STK25: variants seen among roughly 807,000 people sequenced by gnomAD.
STK25 encodes the protein serine/threonine-protein kinase 25.
A neutral mutation model predicts 53.8 loss-of-function variants in STK25; 29 were observed. The observed-to-expected ratio is 0.54, with a 90% CI of 0.40 to 0.74. The LOEUF (loss-of-function observed/expected upper bound fraction) is 0.74. STK25 is among the 30% of genes least tolerant of loss of function. The pLI is 0.00. For missense variants in STK25, 420 were observed against 568.0 expected (o/e 0.74, Z 2.65); for synonymous variants, 247 against 238.3 (o/e 1.04, Z -0.33).
intron 9 of STK25, 132 bp from the exon 10 acceptor site, chr2:241,497,819 C>T (rs377047359): frequency 2.3e-6 from 2 of 885,356 alleles, no homozygotes; most frequent in South Asian, 3.1e-5. Flanking sequence ...TGTCCAGGGC[C>T]GGCCCCAAAA....
intron 2 of STK25, among the ~76,000 whole-genome samples, chr2:241,506,038 A>G (rs1272417644): frequency 2.6e-5 from 4 of 152,246 alleles, no homozygotes; most frequent in Non-Finnish European, 4.4e-5. Context: ...CCCAGCACAC[A>G]TAGCTGAGTG....
In STK25 at chr2:241,493,827, C is replaced by T; in HGVS notation, c.*1835G>A. The T allele has an allele frequency of 5.6e-6, 3 of 533,740 alleles. No individual in the cohort carries two copies. Among genetic ancestry groups the T allele is most frequent in the Non-Finnish European group, 1.0e-5 (3 of 297,262 alleles). 33.1% of individuals were successfully genotyped at this position (533,740 alleles called of 1,614,324 possible). On this transcript the variant is annotated 3_prime_UTR_variant, in exon 12 of 12. Transcript: ENST00000316586. ...GGCCAGGCTGGTCTCGAACTCCTGA[C>T]CTCAAGTGATCCATCTGCCTCAGCC... is the stretch of plus-strand genomic sequence containing the variant.
chr2:241,505,546 A>ACTCCCTG (rs1377877548), intron 2 of STK25, among the ~76,000 whole-genome samples: 1 of 151,596 alleles, frequency 6.6e-6, no homozygotes, highest in African/African-American at 2.4e-5. Flanking sequence ...GCCCTGCTCT[A>ACTCCCTG]CTCCCTGCTC....
At chr2:241,499,766 A>C in intron 5 of STK25, 1 of 464,908 alleles carries the variant, frequency 2.2e-6, no homozygotes, top group Non-Finnish European at 4.0e-6. Context: ...CTCCACCAGA[A>C]TCGTCCCCTA....
chr2:241,508,203 G>A lies in STK25; in HGVS notation c.-100-68C>T, dbSNP rs1186833080. 6.0e-6 allele frequency: 8 copies of A among 1,336,368 alleles called. No individual in the cohort carries two copies. The South Asian group carries it at 7.2e-5, about 12-fold the overall frequency. The allele number at this position is 1,336,368 out of a possible 1,614,324, so 82.8% of individuals were successfully genotyped here. ...CTGAGACCGACCTCCGGGGCGGCGG[G>A]CTCCATGGGTGGGGGGGGGCCCAGG... On this transcript the variant is annotated intron_variant, in intron 1 of 11. Coordinates refer to ENST00000316586, the MANE Select transcript of STK25 (RefSeq NM_001271977.2).
chr2:241,497,406 C>A, intron 10 of STK25: 1 of 568,930 alleles, frequency 1.8e-6, no homozygotes, highest in Admixed American at 3.1e-5. Flanking sequence ...ACCCTAGGAA[C>A]CCAGAGAACC....
intron 2 of STK25, among the ~76,000 whole-genome samples, chr2:241,504,378 G>A (rs2065695441): frequency 6.6e-6 from 1 of 152,178 alleles, no homozygotes; most frequent in East Asian, 1.9e-4. Context: ...GAGCCCACCT[G>A]CTACCAGGAG....
At chr2:241,502,776 A>G (rs916472761) in intron 2 of STK25, among the ~76,000 whole-genome samples, 6 of 152,084 alleles carry the variant, frequency 3.9e-5, no homozygotes, top group Non-Finnish European at 7.4e-5. Flanking sequence ...AACCTCATCA[A>G]AAACAAAAAA....
At chr2:241,506,162 G>A (rs937254882) in intron 2 of STK25, among the ~76,000 whole-genome samples, 3 of 152,198 alleles carry the variant, frequency 2.0e-5, no homozygotes, top group Non-Finnish European at 4.4e-5. Flanking sequence ...GGGGGAACGC[G>A]CCCCACTCTC....
Position 241,493,627 on chromosome 2 carries a change from C to T in STK25, c.*2035G>A, listed in dbSNP as rs1408931369. The T allele has an allele frequency of 1.8e-5, 11 of 601,082 alleles. No homozygotes were observed. The highest frequency in any genetic ancestry group is 3.2e-5 in the Non-Finnish European group (11 of 340,518). The allele number at this position is 601,082 out of a possible 1,614,324, so 37.2% of individuals were successfully genotyped here. ...TTTTTTTTTTGGAGATGGCGTCTCC[C>T]TCTGTCACTCAGGCTGGAGTGCAGT... is the stretch of plus-strand genomic sequence containing the variant. On this transcript the variant is annotated 3_prime_UTR_variant, in exon 12 of 12. Coordinates refer to ENST00000316586, the MANE Select transcript of STK25 (RefSeq NM_001271977.2).
At position 241,504,275 on chromosome 2, in the gene STK25, G is replaced by C. The variant is rs1559841710; in HGVS notation, c.31-2567C>G. 3.3e-5 allele frequency among the ~76,000 whole-genome samples: 5 copies of C among 152,202 alleles called. No individual in the cohort carries two copies. In the South Asian group the frequency reaches 1.0e-3, roughly 32 times the overall value. On this transcript the variant is annotated intron_variant, in intron 2 of 11. Coordinates refer to ENST00000316586, the MANE Select transcript of STK25 (RefSeq NM_001271977.2). ...AAGGTCTGGCCAGTTGAGACAGCTGGTCGAGTCAAAAGTGACCTTTCTCAT... is the reference window on the plus strand; with the variant it reads ...AAGGTCTGGCCAGTTGAGACAGCTGCTCGAGTCAAAAGTGACCTTTCTCAT...
chr2:241,508,179 T>C (rs2065968021), intron 1 of STK25, 44 bp from the exon 2 acceptor site: 2 of 1,370,718 alleles, frequency 1.5e-6, no homozygotes, highest in South Asian at 1.7e-5. Flanking sequence ...TTCAGTCATC[T>C]GAGACCGACC....
At chr2:241,507,851 C>G (rs2065937124) in intron 2 of STK25, among the ~76,000 whole-genome samples, 155 bp downstream of exon 2, 1 of 152,358 alleles carries the variant, frequency 6.6e-6, no homozygotes, top group East Asian at 1.9e-4. Context: ...GGCCGCCCTG[C>G]GCCCACCTCA....
intron 8 of STK25, 111 bp downstream of exon 8, chr2:241,498,528 A>G: frequency 7.1e-7 from 1 of 1,417,132 alleles, no homozygotes; most frequent in Non-Finnish European, 9.5e-7. Flanking sequence ...GTCCCTGCCC[A>G]ACACTATATC....
intron 2 of STK25, among the ~76,000 whole-genome samples, chr2:241,503,689 T>C (rs1271737919): frequency 2.0e-5 from 2 of 98,104 alleles, no homozygotes; most frequent in Non-Finnish European, 1.9e-5. Flanking sequence ...AGAGCAAGAC[T>C]CCGTCTCAAA....
chr2:241,499,455 C>G, intron 5 of STK25, 41 bp from the exon 6 acceptor site: 3 of 1,598,726 alleles, frequency 1.9e-6, no homozygotes, highest in Non-Finnish European at 2.6e-6. Flanking sequence ...CCAGGCTCCA[C>G]GTGGCTCCAC....
rs1328131256 is a variant in STK25 at position 241,493,593 on chromosome 2, CTT to C, written c.*2067_*2068del. On this transcript the variant is annotated 3_prime_UTR_variant, in exon 12 of 12. Coordinates refer to ENST00000316586, the MANE Select transcript of STK25 (RefSeq NM_001271977.2). ...CCAGCATTTCCAAAAAACAGCAATGCTTTGTTTTTTTTTTTTTTGGAGATGGC... is the reference window on the plus strand; with the variant it reads ...CCAGCATTTCCAAAAAACAGCAATGCTGTTTTTTTTTTTTTTGGAGATGGC... The C allele has an allele frequency of 4.8e-6, 3 of 629,710 alleles. No individual in the cohort carries two copies. Among genetic ancestry groups the C allele is most frequent in the Non-Finnish European group, 7.9e-6 (3 of 378,106 alleles). The allele number at this position is 629,710 out of a possible 1,614,324, so 39.0% of individuals were successfully genotyped here.
rs567633014 is a variant in STK25 at position 241,495,492 on chromosome 2, G to A, written c.*170C>T. 2 of 668,880 alleles carry A rather than the reference G, an allele frequency of 3.0e-6. No individual in the cohort carries two copies. The highest frequency in any genetic ancestry group is 1.8e-5 in the African/African-American group (1 of 56,330). 41.4% of individuals were successfully genotyped at this position (668,880 alleles called of 1,614,324 possible). ...CTGACGTGCACAACAGCACACTGCA[G>A]GGGTGGAAGGAGACGGTGACCTGGT... On this transcript the variant is annotated 3_prime_UTR_variant, in exon 12 of 12. Transcript: ENST00000316586.
Position 241,499,338 on chromosome 2 carries a change from CGT to C in STK25, c.502_503del (p.Thr168AlafsTer3). 1 of 1,614,028 alleles carries C rather than the reference CGT, an allele frequency of 6.2e-7. No individual in the cohort carries two copies. The highest frequency in any genetic ancestry group is 8.5e-7 in the Non-Finnish European group (1 of 1,179,988). ...DFGVAGQLTD[T>X]QIKRNTFVGT... ...CCACGAATGTGTTCCTCTTAATCTG[CGT>C]GTCTGTGAGCTGCCCTGCTACCCCA... On this transcript the variant is annotated frameshift_variant, in exon 6 of 12. Transcript: ENST00000316586. LOFTEE classifies it high-confidence loss of function.
Sources: allele counts gnomAD v4.1 joint callset (sites outside exome capture counted in the v4.1 genomes callset), GRCh38; gene constraint gnomAD v4.1.1; transcripts MANE v1.5; gene names NCBI Gene and HGNC (gene_info 2026-07-23, HGNC 2026-07-21).